The following GPM6A variants were observed in gnomAD, a reference collection of about 807,000 sequenced individuals.
The protein encoded by GPM6A is glycoprotein M6A.
A neutral mutation model predicts 32.1 loss-of-function variants in GPM6A; 7 were observed. That is an observed-to-expected ratio of 0.22 (90% CI 0.12 to 0.41). The LOEUF (loss-of-function observed/expected upper bound fraction) is 0.41, where lower values mean the gene tolerates loss of function less well. Ranked by LOEUF, GPM6A falls within the 10% of genes least tolerant of loss-of-function variation. GPM6A has a pLI of 1.00. For missense variants in GPM6A, 235 were observed against 347.2 expected (o/e 0.68, Z 2.57); for synonymous variants, 130 against 123.4 (o/e 1.05, Z -0.35).
intron 1 of GPM6A, among the ~76,000 whole-genome samples, chr4:175,737,396 A>C (rs1419988855): frequency 1.3e-5 from 2 of 151,836 alleles, no homozygotes; most frequent in African/African-American, 4.8e-5. Context: ...AATCCCAGCT[A>C]CTCAGGAGGC....
intron 1 of GPM6A, among the ~76,000 whole-genome samples, chr4:175,992,870 T>C (rs1245188490): frequency 6.6e-6 from 1 of 152,206 alleles, no homozygotes; most frequent in Non-Finnish European, 1.5e-5. Flanking sequence ...GCATATCTTA[T>C]CATTTAAAAA....
At chr4:175,830,593 T>C (rs1470458784) in intron 1 of GPM6A, among the ~76,000 whole-genome samples, 2 of 152,176 alleles carry the variant, frequency 1.3e-5, no homozygotes, top group Admixed American at 6.5e-5. Flanking sequence ...TTTACCAAGA[T>C]CATATCACTC....
chr4:175,971,838 G>T (rs951961290), intron 1 of GPM6A: 2 of 152,148 alleles, frequency 1.3e-5, no homozygotes, highest in African/African-American at 2.4e-5. Context: ...CTAGCTGTTT[G>T]GTTTTAGAAA....
chr4:175,910,386 A>G (rs899235900), intron 1 of GPM6A, among the ~76,000 whole-genome samples: 1 of 152,188 alleles, frequency 6.6e-6, no homozygotes, highest in African/African-American at 2.4e-5. Context: ...GCAGGGGTGC[A>G]GGTGCTCCCA....
chr4:175,739,079 TAAAGAAAAC>T (rs1731778761), intron 1 of GPM6A, among the ~76,000 whole-genome samples: 1 of 152,160 alleles, frequency 6.6e-6, no homozygotes, highest in Admixed American at 6.6e-5. Flanking sequence ...AAGCAAGCAT[TAAAGAAAAC>T]TACAGCTGTG....
At chr4:175,703,478 A>C (rs1473790984) in intron 1 of GPM6A, among the ~76,000 whole-genome samples, 1 of 152,032 alleles carries the variant, frequency 6.6e-6, no homozygotes, top group East Asian at 1.9e-4. Flanking sequence ...GCCTAATTTA[A>C]CTATTATTCA....
intron 1 of GPM6A, among the ~76,000 whole-genome samples, chr4:175,724,051 A>G (rs1746277417): frequency 6.6e-6 from 1 of 152,192 alleles, no homozygotes; most frequent in Non-Finnish European, 1.5e-5. Flanking sequence ...CAACCAAGAT[A>G]TGGGATTAAT....
chr4:175,901,196 A>G (rs10014438), intron 1 of GPM6A, among the ~76,000 whole-genome samples: 86,644 of 151,754 alleles, frequency 0.57, 25,063 homozygotes, highest in East Asian at 0.73. Context: ...TACAAAAAAA[A>G]TTAGAAAGAA....
rs1049110936 is a variant in GPM6A at position 175,761,854 on chromosome 4, G to C, written c.37+50337C>G. Among the ~76,000 whole-genome samples the C allele has an allele frequency of 3.9e-5, 6 of 151,996 alleles. No homozygotes were observed. The East Asian group carries it at 1.2e-3, about 29-fold the overall frequency. Reference sequence around the variant, plus strand: ...TTGTTGCCCAGGCTGGAATGCAATGGCATGATCACGGCTCACTCCAACCTT... The same window carrying C: ...TTGTTGCCCAGGCTGGAATGCAATGCCATGATCACGGCTCACTCCAACCTT... On this transcript the variant is annotated intron_variant, in intron 1 of 6. Coordinates refer to ENST00000393658, the MANE Select transcript of GPM6A (RefSeq NM_201591.3).
intron 1 of GPM6A, among the ~76,000 whole-genome samples, chr4:175,871,244 G>A (rs747635699): frequency 3.3e-5 from 5 of 151,998 alleles, no homozygotes; most frequent in African/African-American, 4.8e-5. Flanking sequence ...TGAGGCAGAC[G>A]CATCACCTGA....
intron 1 of GPM6A, among the ~76,000 whole-genome samples, chr4:175,993,029 G>T (rs1039403138): frequency 2.6e-5 from 4 of 152,044 alleles, no homozygotes; most frequent in Non-Finnish European, 5.9e-5. Context: ...CTTTCTCTTA[G>T]ATCATTCCCC....
chr4:175,798,157 C>A (rs1041562338), intron 1 of GPM6A, among the ~76,000 whole-genome samples: 1 of 152,174 alleles, frequency 6.6e-6, no homozygotes, highest in Admixed American at 6.5e-5. Flanking sequence ...GACAAATAAA[C>A]CTCAAATCAC....
chr4:175,850,657 C>A (rs1736225442), intron 1 of GPM6A, among the ~76,000 whole-genome samples: 1 of 151,820 alleles, frequency 6.6e-6, no homozygotes, highest in Non-Finnish European at 1.5e-5. Flanking sequence ...TTTTCTTAGA[C>A]CCCAATATCT....
At chr4:175,835,625 G>A (rs1163792660) in intron 1 of GPM6A, among the ~76,000 whole-genome samples, 4 of 110,872 alleles carry the variant, frequency 3.6e-5, no homozygotes, top group Non-Finnish European at 7.9e-5. Flanking sequence ...GTGTGAGTGT[G>A]TGTATATATA....
At chr4:175,971,270 G>GAAAAAAAAA in intron 1 of GPM6A, among the ~76,000 whole-genome samples, 1 of 132,050 alleles carries the variant, frequency 7.6e-6, no homozygotes, top group African/African-American at 2.7e-5. Flanking sequence ...TATCTTCCGT[G>GAAAAAAAAA]AAAAAAAAAA....
At chr4:175,756,847 T>C (rs1732547228) in intron 1 of GPM6A, among the ~76,000 whole-genome samples, 1 of 152,124 alleles carries the variant, frequency 6.6e-6, no homozygotes, top group Non-Finnish European at 1.5e-5. Context: ...GATAAAATAC[T>C]GACATCTCAA....
chr4:175,684,845 A>G (rs1210378428), intron 2 of GPM6A, among the ~76,000 whole-genome samples: 3 of 149,662 alleles, frequency 2.0e-5, no homozygotes, highest in Non-Finnish European at 4.5e-5. Context: ...TATTTTCTTA[A>G]CTATTTGTGT....
At chr4:175,855,292 A>G (rs1736383443) in intron 1 of GPM6A, among the ~76,000 whole-genome samples, 1 of 152,228 alleles carries the variant, frequency 6.6e-6, no homozygotes, top group African/African-American at 2.4e-5. Context: ...AACAGTTATT[A>G]CAACTATAGT....
intron 1 of GPM6A, among the ~76,000 whole-genome samples, chr4:175,889,857 G>A (rs970938522): frequency 2.6e-5 from 4 of 151,584 alleles, no homozygotes; most frequent in East Asian, 1.9e-4. Flanking sequence ...AAAGAAAAAC[G>A]AGCAAAGAAA....
Sources: gnomAD v4.1 joint callset for allele counts (sites outside exome capture counted in the v4.1 genomes callset) on GRCh38, gnomAD v4.1.1 for gene constraint, MANE v1.5 for transcripts, NCBI Gene and HGNC (gene_info 2026-07-23, HGNC 2026-07-21) for gene names.